Variants in ABCA5 observed in about 807,000 individuals in gnomAD.
The protein encoded by ABCA5 is cholesterol transporter ABCA5.
In ABCA5, 163 loss-of-function variants were observed where a neutral mutation model predicts 206.0. The observed-to-expected ratio is 0.79, with a 90% CI of 0.70 to 0.90. ABCA5 has a LOEUF of 0.90. Ranked by LOEUF, ABCA5 falls within the 40% of genes least tolerant of loss-of-function variation. The pLI is 0.00. For missense variants in ABCA5, 1,859 were observed against 1,912.9 expected, an observed-to-expected ratio of 0.97 and a Z score of 0.53; for synonymous variants, 609 against 613.8, an observed-to-expected ratio of 0.99 and a Z score of 0.11.
intron 11 of ABCA5, 125 bp downstream of exon 11, chr17:69,294,530 T>A: frequency 6.6e-6 from 6 of 902,992 alleles, no homozygotes; most frequent in South Asian, 1.6e-5. Context: ...TCAAAAAAAA[T>A]AAAATAAAAT....
chr17:69,307,006 C>T (rs2075724840), intron 5 of ABCA5, 52 bp from the exon 6 acceptor site: 1 of 1,331,828 alleles, frequency 7.5e-7, no homozygotes, highest in Admixed American at 2.6e-5. Flanking sequence ...TGATAGCAGC[C>T]CCTAGTAAAA....
chr17:69,262,558 A>G (rs2075161047), intron 24 of ABCA5, among the ~76,000 whole-genome samples: 1 of 152,186 alleles, frequency 6.6e-6, no homozygotes. Context: ...TGCAACAGAC[A>G]TAATTTCATT....
chr17:69,294,770 T>C, intron 10 of ABCA5, 57 bp from the exon 11 acceptor site: 1 of 1,116,616 alleles, frequency 9.0e-7, no homozygotes, highest in South Asian at 1.5e-5. Flanking sequence ...GTATGTGTGT[T>C]TATTTACCAT....
intron 3 of ABCA5, among the ~76,000 whole-genome samples, chr17:69,310,935 C>T (rs1241061364): frequency 3.3e-5 from 5 of 152,132 alleles, no homozygotes; most frequent in African/African-American, 1.2e-4. Flanking sequence ...ACCTATAATG[C>T]CAGCACTTTG....
chr17:69,325,115 G>A (rs920002699), intron 1 of ABCA5, among the ~76,000 whole-genome samples: 46 of 146,356 alleles, frequency 3.1e-4, no homozygotes, highest in Non-Finnish European at 6.0e-4. Context: ...ATCAACCTGG[G>A]CAACATAGAG....
At chr17:69,293,471 T>G (rs1445919104) in intron 11 of ABCA5, among the ~76,000 whole-genome samples, 1 of 152,180 alleles carries the variant, frequency 6.6e-6, no homozygotes. Flanking sequence ...GGCTAGGCTA[T>G]GGTGCCGTTA....
chr17:69,259,821 T>C lies in ABCA5; in HGVS notation c.3640-24A>G, dbSNP rs765574124. ...GGCTAAAAGAAGAACATGTAGCAGCTCATGACTAAAAGATTTGTTGTTGTT... is the reference window on the plus strand; with the variant it reads ...GGCTAAAAGAAGAACATGTAGCAGCCCATGACTAAAAGATTTGTTGTTGTT... On this transcript the variant is annotated intron_variant, in intron 27 of 38. Transcript: ENST00000392676. 8 of 1,410,372 alleles carry C rather than the reference T, an allele frequency of 5.7e-6. No homozygotes were observed. The Admixed American group carries it at 6.0e-5, about 11-fold the overall frequency. The allele number at this position is 1,410,372 out of a possible 1,614,324, so 87.4% of individuals were successfully genotyped here.
intron 18 of ABCA5, among the ~76,000 whole-genome samples, 170 bp downstream of exon 18, chr17:69,283,783 C>T (rs972637567): frequency 6.6e-6 from 1 of 151,072 alleles, no homozygotes; most frequent in African/African-American, 2.4e-5. Flanking sequence ...CTTCTAAGAC[C>T]ACCCCATTAT....
Position 69,264,730 on chromosome 17 carries a change from C to A in ABCA5, c.3315+5G>T. 6.6e-7 allele frequency: 1 copy of A among 1,519,588 alleles called. No homozygotes were observed. The highest frequency in any genetic ancestry group is 1.4e-5 in the African/African-American group (1 of 70,982). The allele number at this position is 1,519,588 out of a possible 1,614,324, so 94.1% of individuals were successfully genotyped here. A position where few individuals can be genotyped will look rare whatever the true frequency, so the allele number is the denominator to read the frequency against. On this transcript the variant is annotated splice_donor_5th_base_variant and intron_variant, in intron 24 of 38. Coordinates refer to ENST00000392676, the MANE Select transcript of ABCA5 (RefSeq NM_172232.4). The stretch of plus-strand genomic sequence containing the variant: ...ATAGCATGAGTACAACTAACGTTAA[C>A]TTACCACAGCAAGGAACTTTACAGT...
chr17:69,271,632 A>G (rs2075275084), intron 20 of ABCA5, among the ~76,000 whole-genome samples: 1 of 151,746 alleles, frequency 6.6e-6, no homozygotes, highest in Non-Finnish European at 1.5e-5. Context: ...GTAACTGCGC[A>G]TATTTTAGCT....
At chr17:69,273,915 T>TG (rs146029369) in intron 20 of ABCA5, 44 bp downstream of exon 20, 183 of 1,550,996 alleles carry the variant, frequency 1.2e-4, no homozygotes, top group Non-Finnish European at 1.6e-4. Flanking sequence ...CTCAACCCCA[T>TG]GCTCCATGCC....
At chr17:69,318,614 A>C (rs1230225344) in intron 1 of ABCA5, 1 of 318,646 alleles carries the variant, frequency 3.1e-6, no homozygotes, top group Non-Finnish European at 5.8e-6. Flanking sequence ...TACTGTAAAA[A>C]TACTAAATGA....
rs1159405191 is a variant in ABCA5 at position 69,314,363 on chromosome 17, A to G, written c.53T>C (p.Leu18Pro). 6.2e-7 allele frequency: 1 copy of G among 1,613,770 alleles called. No homozygotes were observed. Among genetic ancestry groups the G allele is most frequent in the African/African-American group, 1.3e-5 (1 of 74,930 alleles). The change falls in exon 2 of 39, where the codon CTA (leucine) becomes CCA (proline). Residue 18 changes from leucine to proline, a missense_variant. Coordinates refer to ENST00000392676, the MANE Select transcript of ABCA5 (RefSeq NM_172232.4). ...GCATTTAATTAAGTAATTCTTCAGTAGAAGTGTTCTGGTCTGTCTCCAAAC... is the reference window on the plus strand; with the variant it reads ...GCATTTAATTAAGTAATTCTTCAGTGGAAGTGTTCTGGTCTGTCTCCAAAC... Reference protein sequence around the residue: ...VGVWRQTRTLLLKNYLIKCRT... With the variant: ...VGVWRQTRTLPLKNYLIKCRT...
At position 69,259,707 on chromosome 17, in the gene ABCA5, T is replaced by C. The variant is rs758914034; in HGVS notation, c.3730A>G (p.Arg1244Gly). ...AAAATTTTTAAAAAATCAACTGACC[T>C]GAAAAAGGGATCTTTTCTTATTGAT... is the stretch of plus-strand genomic sequence containing the variant. ...GRSIRKDPFFRNLSTKSKNRK... is the reference protein window; with the variant it reads ...GRSIRKDPFFGNLSTKSKNRK... Residue 1244 changes from arginine to glycine, a missense_variant and splice_region_variant, in exon 28 of 39, where the codon AGA (arginine) becomes GGA (glycine). Arg to Gly is a moderately radical substitution (Grantham distance 125). Coordinates refer to ENST00000392676, the MANE Select transcript of ABCA5 (RefSeq NM_172232.4). 3 of 1,590,342 alleles carry C rather than the reference T, an allele frequency of 1.9e-6. No individual in the cohort carries two copies. The highest frequency in any genetic ancestry group is 2.6e-6 in the Non-Finnish European group (3 of 1,162,536).
Position 69,267,898 on chromosome 17 carries a change from G to A in ABCA5, c.3144+45C>T, listed in dbSNP as rs753101918. ...TCAAGCAAATAGGTTATTTTTATAT[G>A]ACACTTCTTATTAGCAAATTATATA... On this transcript the variant is annotated intron_variant, in intron 23 of 38. Coordinates refer to ENST00000392676, the MANE Select transcript of ABCA5 (RefSeq NM_172232.4). 8 of 1,108,732 alleles carry A rather than the reference G, an allele frequency of 7.2e-6. No homozygotes were observed. In the South Asian group the frequency reaches 1.1e-4, roughly 15 times the overall value. The allele number at this position is 1,108,732 out of a possible 1,614,324, so 68.7% of individuals were successfully genotyped here. A position where few individuals can be genotyped will look rare whatever the true frequency, so the allele number is the denominator to read the frequency against.
intron 1 of ABCA5, among the ~76,000 whole-genome samples, chr17:69,316,578 AAG>A (rs1486438198): frequency 6.9e-6 from 1 of 145,616 alleles, no homozygotes; most frequent in African/African-American, 2.5e-5. Context: ...GGAGAGGAGA[AAG>A]AGTATTAATG....
chr17:69,277,186 T>C (rs1472979525), intron 19 of ABCA5, among the ~76,000 whole-genome samples: 1 of 152,146 alleles, frequency 6.6e-6, no homozygotes, highest in African/African-American at 2.4e-5. Context: ...ATAGGATAAA[T>C]AGAGGTAAAA....
chr17:69,257,222 T>C (rs1235197215), intron 28 of ABCA5, among the ~76,000 whole-genome samples: 1 of 151,876 alleles, frequency 6.6e-6, no homozygotes, highest in East Asian at 1.9e-4. Flanking sequence ...AATACAAAAA[T>C]TAACCAGGTG....
intron 11 of ABCA5, among the ~76,000 whole-genome samples, chr17:69,292,932 G>A (rs1435953460): frequency 1.3e-5 from 2 of 152,166 alleles, no homozygotes; most frequent in Non-Finnish European, 2.9e-5. Flanking sequence ...ACCTCCAAAT[G>A]CCAATAATCA....
Sources: allele counts gnomAD v4.1 joint callset (sites outside exome capture counted in the v4.1 genomes callset), GRCh38; gene constraint gnomAD v4.1.1; transcripts MANE v1.5; gene names NCBI Gene and HGNC (gene_info 2026-07-23, HGNC 2026-07-21).